Variants in CERS6 observed in about 807,000 individuals in gnomAD.
CERS6 encodes ceramide synthase 6.
In CERS6, 26 loss-of-function variants were observed where a neutral mutation model predicts 56.8. That is an observed-to-expected ratio of 0.46 (90% CI 0.34 to 0.63). The LOEUF is 0.63. CERS6 is among the 30% of genes least tolerant of loss of function. CERS6 has a pLI of 0.01. For synonymous variants in CERS6, 164 were observed against 173.3 expected (o/e 0.95, Z 0.42); for missense variants, 415 against 467.5 (o/e 0.89, Z 1.04).
chr2:168,670,155 A>G (rs1685871779), intron 4 of CERS6, among the ~76,000 whole-genome samples: 1 of 152,212 alleles, frequency 6.6e-6, no homozygotes, highest in African/African-American at 2.4e-5. Context: ...CTTCATGGAT[A>G]ATCACCATGG....
At chr2:168,483,226 A>G (rs1372432844) in intron 1 of CERS6, among the ~76,000 whole-genome samples, 1 of 152,070 alleles carries the variant, frequency 6.6e-6, no homozygotes, top group Non-Finnish European at 1.5e-5. Flanking sequence ...TTCTTTTTTT[A>G]TAGATGTGGA....
chr2:168,753,599 A>G (rs1173221016), intron 8 of CERS6, among the ~76,000 whole-genome samples: 1 of 152,184 alleles, frequency 6.6e-6, no homozygotes, highest in Non-Finnish European at 1.5e-5. Context: ...AAGCATACTT[A>G]CTGCATCTCT....
chr2:168,655,416 G>T (rs1685445361), intron 4 of CERS6, among the ~76,000 whole-genome samples: 1 of 152,184 alleles, frequency 6.6e-6, no homozygotes, highest in South Asian at 2.1e-4. Context: ...ACCTCATAAA[G>T]ATACCTGCAC....
chr2:168,508,047 G>T (rs1440644519), intron 1 of CERS6, among the ~76,000 whole-genome samples: 1 of 152,044 alleles, frequency 6.6e-6, no homozygotes, highest in Admixed American at 6.6e-5. Context: ...GGGAGTTCTT[G>T]ATTTTTTATT....
chr2:168,642,811 A>G (rs1413937099), intron 4 of CERS6, among the ~76,000 whole-genome samples: 1 of 152,236 alleles, frequency 6.6e-6, no homozygotes, highest in Admixed American at 6.5e-5. Flanking sequence ...CTTACATACT[A>G]GAGGACACTT....
At chr2:168,519,905 T>A (rs539238557) in intron 1 of CERS6, among the ~76,000 whole-genome samples, 1 of 152,344 alleles carries the variant, frequency 6.6e-6, no homozygotes, top group South Asian at 2.1e-4. Flanking sequence ...TGCAGGTGTC[T>A]TTTTGGTAGA....
intron 3 of CERS6, among the ~76,000 whole-genome samples, chr2:168,568,832 A>G (rs1695931243): frequency 6.6e-6 from 1 of 152,246 alleles, no homozygotes; most frequent in African/African-American, 2.4e-5. Flanking sequence ...AAATCGCACA[A>G]CAAAAGAAAA....
chr2:168,642,418 T>C (rs779629664), intron 4 of CERS6, among the ~76,000 whole-genome samples: 1 of 152,190 alleles, frequency 6.6e-6, no homozygotes, highest in Non-Finnish European at 1.5e-5. Flanking sequence ...AGTATTTTTG[T>C]CTTTTGTCTT....
chr2:168,604,730 A>G (rs1684013248), intron 3 of CERS6, among the ~76,000 whole-genome samples: 1 of 152,062 alleles, frequency 6.6e-6, no homozygotes. Context: ...GCCACGTAAG[A>G]TGTGCCTGCT....
At chr2:168,676,598 ACTCTGTC>A (rs1293468853) in intron 4 of CERS6, among the ~76,000 whole-genome samples, 4 of 152,144 alleles carry the variant, frequency 2.6e-5, no homozygotes, top group Non-Finnish European at 5.9e-5. Context: ...GAAGTGAAAG[ACTCTGTC>A]CATTTTTGAG....
intron 1 of CERS6, among the ~76,000 whole-genome samples, chr2:168,546,446 G>C (rs888834712): frequency 3.9e-5 from 6 of 152,156 alleles, no homozygotes; most frequent in Non-Finnish European, 8.8e-5. Context: ...CGTGTACAAT[G>C]TTCCATTTTC....
chr2:168,762,407 T>C (rs1684609434), intron 8 of CERS6, among the ~76,000 whole-genome samples: 1 of 152,144 alleles, frequency 6.6e-6, no homozygotes, highest in Admixed American at 6.5e-5. Flanking sequence ...CTTTCCGTGG[T>C]TTTCCTGATT....
At chr2:168,740,695 T>C (rs556007380) in intron 8 of CERS6, among the ~76,000 whole-genome samples, 4 of 152,382 alleles carry the variant, frequency 2.6e-5, no homozygotes, top group Admixed American at 6.5e-5. Flanking sequence ...TCTGAAATTG[T>C]TCACAGTAGT....
At chr2:168,463,208 C>T (rs1392599459) in intron 1 of CERS6, among the ~76,000 whole-genome samples, 2 of 152,142 alleles carry the variant, frequency 1.3e-5, no homozygotes, top group African/African-American at 2.4e-5. Context: ...CTTGATCTAA[C>T]AATTTTGGTG....
chr2:168,686,242 G>T (rs1031804793), intron 4 of CERS6, among the ~76,000 whole-genome samples: 1 of 150,364 alleles, frequency 6.7e-6, no homozygotes, highest in Non-Finnish European at 1.5e-5. Flanking sequence ...CTGAGCACGC[G>T]CGTGGAGAGG....
chr2:168,607,885 T>G (rs2105269874), intron 3 of CERS6, among the ~76,000 whole-genome samples: 1 of 152,332 alleles, frequency 6.6e-6, no homozygotes, highest in South Asian at 2.1e-4. Context: ...AATGGAACAT[T>G]ACCTCAGTGT....
At chr2:168,457,955 T>C (rs1005367563) in intron 1 of CERS6, among the ~76,000 whole-genome samples, 3 of 152,208 alleles carry the variant, frequency 2.0e-5, no homozygotes, top group Non-Finnish European at 4.4e-5. Flanking sequence ...CTTTAAGACC[T>C]ATGTTTAAAT....
chr2:168,765,776 T>C, intron 9 of CERS6, 28 bp downstream of exon 9: 1 of 1,587,642 alleles, frequency 6.3e-7, no homozygotes, highest in Middle Eastern at 1.7e-4. Context: ...TTTTCCAATA[T>C]GTCTTAAAAA....
chr2:168,631,679 TTATATTTA>T lies in CERS6; in HGVS notation c.465+643_465+650del, dbSNP rs1423641205. 1.8e-4 allele frequency among the ~76,000 whole-genome samples: 14 copies of T among 76,444 alleles called. 1 individual carries two copies. The highest frequency in any genetic ancestry group is 6.6e-4 in the African/African-American group (14 of 21,148). 50.2% of individuals were successfully genotyped at this position (76,444 alleles called of 152,430 possible). On this transcript the variant is annotated intron_variant, in intron 4 of 9. Coordinates refer to ENST00000305747, the MANE Select transcript of CERS6 (RefSeq NM_203463.3). ...TATATATAACATTTTATATTTATAT[TTATATTTA>T]TATATATTTAATTTATATTTATATT... is the stretch of plus-strand genomic sequence containing the variant.
Sources: gnomAD v4.1 joint callset for allele counts (sites outside exome capture counted in the v4.1 genomes callset) on GRCh38, gnomAD v4.1.1 for gene constraint, MANE v1.5 for transcripts, NCBI Gene and HGNC (gene_info 2026-07-23, HGNC 2026-07-21) for gene names.